The following ADGRL3 variants were observed in gnomAD, a reference collection of about 807,000 sequenced individuals.
The protein encoded by ADGRL3 is calcium-independent alpha-latrotoxin receptor 3.
In ADGRL3, 62 loss-of-function variants were observed where a neutral mutation model predicts 153.5. The ratio of observed to expected loss-of-function variants is 0.40; its 90% CI spans 0.33 to 0.50. The LOEUF is 0.50. Ranked by LOEUF, ADGRL3 falls within the 20% of genes least tolerant of loss-of-function variation. ADGRL3 has a pLI of 0.47. For synonymous variants in ADGRL3, 710 were observed against 672.5 expected (o/e 1.06, Z -0.86); for missense variants, 1,641 against 1,859.4 (o/e 0.88, Z 2.16).
chr4:61,628,732 C>T lies in ADGRL3; in HGVS notation c.473+41292C>T, dbSNP rs368792773. Among the ~76,000 whole-genome samples, 12 of 152,188 alleles carry T rather than the reference C, an allele frequency of 7.9e-5. No individual in the cohort carries two copies. In the South Asian group the frequency reaches 2.5e-3, roughly 32 times the overall value. On this transcript the variant is annotated intron_variant, in intron 5 of 26. Coordinates refer to ENST00000683033, the MANE Select transcript of ADGRL3 (RefSeq NM_001387552.1). ...GTTTTGAGGGAAGTGTTCATTTCTT[C>T]TCAAAGAGAGGGCTGTAAAGATGGT...
intron 4 of ADGRL3, among the ~76,000 whole-genome samples, chr4:61,546,546 TG>T (rs2098714594): frequency 6.6e-6 from 1 of 152,176 alleles, no homozygotes; most frequent in South Asian, 2.1e-4. Flanking sequence ...ATATATTGTA[TG>T]TGTACAATAG....
At chr4:61,243,033 G>A (rs1755640948) in intron 1 of ADGRL3, among the ~76,000 whole-genome samples, 1 of 152,010 alleles carries the variant, frequency 6.6e-6, no homozygotes, top group African/African-American at 2.4e-5. Flanking sequence ...GGGGACATGA[G>A]GGGAAACAAT....
chr4:61,564,481 C>A (rs540934489), intron 4 of ADGRL3, among the ~76,000 whole-genome samples: 22 of 152,238 alleles, frequency 1.4e-4, no homozygotes, highest in African/African-American at 5.1e-4. Context: ...TGCCCAGGTT[C>A]AGGCTCATCT....
At chr4:61,848,276 T>C (rs1641968824) in intron 9 of ADGRL3, among the ~76,000 whole-genome samples, 1 of 150,080 alleles carries the variant, frequency 6.7e-6, no homozygotes, top group Non-Finnish European at 1.5e-5. Context: ...TTTACAGCAC[T>C]GAAGGCTTAA....
chr4:61,444,226 G>GT (rs1200822635), intron 2 of ADGRL3, among the ~76,000 whole-genome samples: 1 of 152,160 alleles, frequency 6.6e-6, no homozygotes, highest in Non-Finnish European at 1.5e-5. Flanking sequence ...CTGATAAGCA[G>GT]TTTTTAGAAA....
intron 20 of ADGRL3, among the ~76,000 whole-genome samples, chr4:61,997,963 G>A (rs2099127499): frequency 1.3e-5 from 2 of 152,116 alleles, no homozygotes; most frequent in African/African-American, 4.8e-5. Flanking sequence ...GGCATAGCAG[G>A]CATAGTAGTG....
intron 5 of ADGRL3, among the ~76,000 whole-genome samples, chr4:61,618,077 C>T (rs774231624): frequency 2.0e-5 from 3 of 152,150 alleles, no homozygotes; most frequent in Non-Finnish European, 2.9e-5. Context: ...ATACTGTAAG[C>T]TCTGGAATTG....
At chr4:61,578,104 T>C (rs2149242894) in intron 4 of ADGRL3, among the ~76,000 whole-genome samples, 1 of 152,222 alleles carries the variant, frequency 6.6e-6, no homozygotes, top group Admixed American at 6.5e-5. Flanking sequence ...ATAAAGATTA[T>C]ACAACTGATT....
intron 1 of ADGRL3, among the ~76,000 whole-genome samples, chr4:61,264,585 G>A (rs192983742): frequency 1.5e-4 from 23 of 152,046 alleles, no homozygotes; most frequent in African/African-American, 5.3e-4. Flanking sequence ...AGTAAAACCA[G>A]TGTATATTAC....
intron 5 of ADGRL3, among the ~76,000 whole-genome samples, chr4:61,591,218 A>G (rs1252113375): frequency 2.0e-5 from 3 of 152,104 alleles, no homozygotes; most frequent in East Asian, 1.9e-4. Context: ...CTCTCATGTA[A>G]TGATTTATTT....
intron 1 of ADGRL3, among the ~76,000 whole-genome samples, chr4:61,234,359 C>T (rs1448513238): frequency 2.0e-5 from 3 of 152,066 alleles, no homozygotes; most frequent in African/African-American, 4.8e-5. Flanking sequence ...TTCACTATCA[C>T]GAGAATAGCA....
chr4:61,964,446 A>G (rs1028460979), intron 17 of ADGRL3, among the ~76,000 whole-genome samples: 1 of 152,168 alleles, frequency 6.6e-6, no homozygotes, highest in African/African-American at 2.4e-5. Flanking sequence ...TAATCAGGTA[A>G]ACTTTTCCTG....
intron 9 of ADGRL3, among the ~76,000 whole-genome samples, chr4:61,846,988 G>A (rs2098125331): frequency 6.7e-6 from 1 of 149,450 alleles, no homozygotes; most frequent in Non-Finnish European, 1.5e-5. Context: ...ATGTATATAT[G>A]TATATATATA....
At chr4:61,950,041 A>AT in intron 17 of ADGRL3, among the ~76,000 whole-genome samples, 1 of 152,274 alleles carries the variant, frequency 6.6e-6, no homozygotes, top group Admixed American at 6.5e-5. Context: ...ATTCATTAAA[A>AT]TTTTTCACTA....
intron 4 of ADGRL3, among the ~76,000 whole-genome samples, chr4:61,569,856 T>A (rs1324244562): frequency 6.6e-6 from 1 of 152,158 alleles, no homozygotes; most frequent in Admixed American, 6.5e-5. Flanking sequence ...ACTTAGCACT[T>A]CACTATAATG....
intron 5 of ADGRL3, among the ~76,000 whole-genome samples, chr4:61,675,848 T>C (rs898959432): frequency 6.6e-6 from 1 of 151,822 alleles, no homozygotes; most frequent in Non-Finnish European, 1.5e-5. Context: ...TACAATTAAA[T>C]TACGTTTGAC....
chr4:61,317,444 T>C (rs2095248844), intron 1 of ADGRL3, among the ~76,000 whole-genome samples: 1 of 152,208 alleles, frequency 6.6e-6, no homozygotes, highest in African/African-American at 2.4e-5. Flanking sequence ...AAAGAGTGGT[T>C]AGAGTACATT....
At chr4:61,388,620 C>T (rs1013862245) in intron 2 of ADGRL3, among the ~76,000 whole-genome samples, 9 of 152,190 alleles carry the variant, frequency 5.9e-5, no homozygotes, top group Non-Finnish European at 1.3e-4. Flanking sequence ...GTCCAAATCA[C>T]AGTCCTCTTC....
At chr4:62,003,833 G>T (rs2099148681) in intron 21 of ADGRL3, among the ~76,000 whole-genome samples, 2 of 151,962 alleles carry the variant, frequency 1.3e-5, no homozygotes, top group South Asian at 4.1e-4. Flanking sequence ...TCCAGGGGTG[G>T]AATGCTCATT....
Sources: gnomAD v4.1 joint callset for allele counts (sites outside exome capture counted in the v4.1 genomes callset) on GRCh38, gnomAD v4.1.1 for gene constraint, MANE v1.5 for transcripts, NCBI Gene and HGNC (gene_info 2026-07-23, HGNC 2026-07-21) for gene names.